FAM184A: variants seen among roughly 807,000 people sequenced by gnomAD.
The protein encoded by FAM184A is protein FAM184A.
FAM184A carries 99 observed loss-of-function variants against 143.8 expected under a neutral mutation model. That is an observed-to-expected ratio of 0.69 (90% CI 0.58 to 0.81). FAM184A has a LOEUF of 0.81. Among genes scored for constraint, FAM184A ranks in the 40% least tolerant of loss-of-function variants. The pLI is 0.00. For synonymous variants in FAM184A, 427 were observed against 446.4 expected (o/e 0.96, Z 0.55); for missense variants, 1,217 against 1,310.5 (o/e 0.93, Z 1.10).
intron 1 of FAM184A, among the ~76,000 whole-genome samples, chr6:119,084,085 G>A (rs975948256): frequency 2.0e-5 from 3 of 147,786 alleles, no homozygotes; most frequent in African/African-American, 5.2e-5. Flanking sequence ...AGGAGAGAGA[G>A]AGAGAGAAAG....
At chr6:119,141,372 C>G (rs115730491) in intron 1 of FAM184A, among the ~76,000 whole-genome samples, 2 of 152,206 alleles carry the variant, frequency 1.3e-5, no homozygotes, top group South Asian at 4.1e-4. Context: ...GCTCGACAGT[C>G]GAGTGCAGCG....
intron 9 of FAM184A, among the ~76,000 whole-genome samples, chr6:118,981,376 T>A (rs1280341649): frequency 6.6e-6 from 1 of 152,182 alleles, no homozygotes; most frequent in Non-Finnish European, 1.5e-5. Flanking sequence ...TAAAATGTGT[T>A]CCATAAGCAA....
intron 14 of FAM184A, among the ~76,000 whole-genome samples, chr6:118,969,861 T>C (rs191661977): frequency 1.7e-3 from 245 of 140,286 alleles, no homozygotes; most frequent in Middle Eastern, 0.011. Context: ...CATGTTCTCC[T>C]TGTTCAACTC....
intron 11 of FAM184A, among the ~76,000 whole-genome samples, chr6:118,978,112 C>T (rs922609473): frequency 2.4e-4 from 36 of 152,016 alleles, no homozygotes; most frequent in Admixed American, 1.7e-3. Context: ...TACAGGCATG[C>T]GCCACCACGC....
At chr6:119,136,367 TA>T (rs1789667855) in intron 1 of FAM184A, among the ~76,000 whole-genome samples, 1 of 151,734 alleles carries the variant, frequency 6.6e-6, no homozygotes, top group African/African-American at 2.4e-5. Flanking sequence ...ACTAAAATTG[TA>T]AAAGTAAAAT....
chr6:119,065,682 T>C (rs1787425351), intron 1 of FAM184A, among the ~76,000 whole-genome samples: 1 of 151,114 alleles, frequency 6.6e-6, no homozygotes, highest in Non-Finnish European at 1.5e-5. Flanking sequence ...CACAAAGTGC[T>C]GCCAAATTTA....
intron 10 of FAM184A, 21 bp downstream of exon 10, chr6:118,980,117 C>A (rs765382094): frequency 6.3e-7 from 1 of 1,599,540 alleles, no homozygotes; most frequent in Non-Finnish European, 8.6e-7. Context: ...TACATTTGAA[C>A]GTATGTCACA....
intron 1 of FAM184A, among the ~76,000 whole-genome samples, chr6:119,116,057 G>C (rs1789054687): frequency 6.6e-6 from 1 of 151,648 alleles, no homozygotes; most frequent in African/African-American, 2.4e-5. Context: ...AGACTGTCTT[G>C]GGGCTTTATG....
intron 5 of FAM184A, among the ~76,000 whole-genome samples, chr6:119,012,521 T>C (rs961834047): frequency 6.6e-6 from 1 of 152,240 alleles, no homozygotes; most frequent in Non-Finnish European, 1.5e-5. Flanking sequence ...GTTGTCCTTA[T>C]ACAAGACAGG....
chr6:119,024,808 T>C lies in FAM184A; in HGVS notation c.165A>G (p.Ile55Met), dbSNP rs1256793084. 4.4e-6 allele frequency: 7 copies of C among 1,591,496 alleles called. No individual in the cohort carries two copies. The highest frequency in any genetic ancestry group is 6.0e-6 in the Non-Finnish European group (7 of 1,171,612). ...SKKIAQLTKV[I>M]YALNTKNDEH... ...CATCATTTTTAGTGTTTAAAGCATA[T>C]ATTACCTGCATGGTTTTGAATAAGA... Residue 55 changes from isoleucine to methionine, a missense_variant, in exon 2 of 18, where the codon ATA becomes ATG. By Grantham distance (10) the Ile-to-Met change is conservative (BLOSUM62 1). Transcript: ENST00000338891.
At chr6:119,058,279 G>C (rs1317726181) in intron 1 of FAM184A, among the ~76,000 whole-genome samples, 1 of 149,624 alleles carries the variant, frequency 6.7e-6, no homozygotes, top group East Asian at 2.0e-4. Context: ...TACCTCCAGG[G>C]TTCAAGCAAT....
At chr6:118,989,393 T>C (rs1784294257) in intron 9 of FAM184A, among the ~76,000 whole-genome samples, 1 of 152,058 alleles carries the variant, frequency 6.6e-6, no homozygotes, top group South Asian at 2.1e-4. Context: ...TACAAAATAA[T>C]ATTTTTATTT....
intron 7 of FAM184A, among the ~76,000 whole-genome samples, chr6:119,004,098 T>C (rs1183007029): frequency 6.6e-6 from 1 of 152,248 alleles, no homozygotes; most frequent in East Asian, 1.9e-4. Context: ...TTTTATTATG[T>C]AACTGCAAAC....
At chr6:119,015,043 G>C (rs911612439) in intron 5 of FAM184A, among the ~76,000 whole-genome samples, 3 of 150,154 alleles carry the variant, frequency 2.0e-5, no homozygotes, top group Non-Finnish European at 4.4e-5. Flanking sequence ...CAGACTGAGA[G>C]ACAGAGCGAG....
chr6:119,081,830 A>G (rs1788075630), upstream of FAM184A, among the ~76,000 whole-genome samples: 1 of 152,008 alleles, frequency 6.6e-6, no homozygotes. Context: ...ATTGCTCTCA[A>G]CGTCCAGCTG....
intron 11 of FAM184A, among the ~76,000 whole-genome samples, chr6:118,978,725 T>C (rs1253612681): frequency 6.6e-6 from 1 of 151,714 alleles, no homozygotes; most frequent in Non-Finnish European, 1.5e-5. Context: ...AGTGTGCCAC[T>C]GAAGTATGAC....
chr6:119,080,626 T>C (rs1427962203), upstream of FAM184A, among the ~76,000 whole-genome samples: 1 of 152,200 alleles, frequency 6.6e-6, no homozygotes, highest in Non-Finnish European at 1.5e-5. Context: ...TTTCAGACTT[T>C]TTAGGATTTT....
intron 5 of FAM184A, among the ~76,000 whole-genome samples, chr6:119,012,897 G>A (rs746311395): frequency 9.9e-5 from 15 of 152,174 alleles, no homozygotes; most frequent in Non-Finnish European, 1.8e-4. Flanking sequence ...CTCAGTTGTG[G>A]TGGGTCAACT....
At chr6:119,020,541 C>A (rs994173906) in intron 3 of FAM184A, among the ~76,000 whole-genome samples, 9 of 152,116 alleles carry the variant, frequency 5.9e-5, no homozygotes, top group African/African-American at 2.2e-4. Context: ...GGAGAGGATG[C>A]ACTGACTGAC....
Sources: gnomAD v4.1 joint callset for allele counts (sites outside exome capture counted in the v4.1 genomes callset) on GRCh38, gnomAD v4.1.1 for gene constraint, MANE v1.5 for transcripts, NCBI Gene and HGNC (gene_info 2026-07-23, HGNC 2026-07-21) for gene names.